The following SPECC1 variants were observed in gnomAD, a reference collection of about 807,000 sequenced individuals.
SPECC1 encodes cytospin-B.
Under a neutral mutation model 104.1 loss-of-function variants are expected in SPECC1, and 62 were observed. That is an observed-to-expected ratio of 0.60 (90% CI 0.49 to 0.74). The LOEUF is 0.74. Ranked by LOEUF, SPECC1 falls within the 30% of genes least tolerant of loss-of-function variation. The pLI, the probability that SPECC1 is intolerant of heterozygous loss-of-function variation, is 0.00. For missense variants in SPECC1, 1,306 were observed against 1,310.5 expected (o/e 1.00, Z 0.05); for synonymous variants, 513 against 501.6 (o/e 1.02, Z -0.30).
chr17:20,164,816 A>G (rs1456558674), intron 3 of SPECC1, among the ~76,000 whole-genome samples: 1 of 152,174 alleles, frequency 6.6e-6, no homozygotes, highest in Non-Finnish European at 1.5e-5. Flanking sequence ...GATTCAAATT[A>G]CATTTAATTT....
chr17:20,029,729 T>C (rs2044733694), intron 1 of SPECC1, among the ~76,000 whole-genome samples: 1 of 152,196 alleles, frequency 6.6e-6, no homozygotes, highest in East Asian at 1.9e-4. Flanking sequence ...TAGTATTCTT[T>C]TCTAATCCCT....
intron 13 of SPECC1, among the ~76,000 whole-genome samples, chr17:20,299,555 C>CAAAAAAAAAAAAAAA (rs57493380): frequency 7.4e-5 from 3 of 40,366 alleles, no homozygotes; most frequent in Non-Finnish European, 1.6e-4. Flanking sequence ...GACCCTGTCT[C>CAAAAAAAAAAAAAAA]AAAAAAAAAA....
intron 4 of SPECC1, among the ~76,000 whole-genome samples, chr17:20,217,872 T>TA (rs774639766): frequency 1.3e-3 from 195 of 147,828 alleles, no homozygotes; most frequent in African/African-American, 1.5e-3. Context: ...ACCCCACCTA[T>TA]AAAAAAAAAA....
chr17:20,093,078 G>A (rs1485918778), intron 1 of SPECC1, among the ~76,000 whole-genome samples: 1 of 152,212 alleles, frequency 6.6e-6, no homozygotes, highest in Non-Finnish European at 1.5e-5. Flanking sequence ...CTGTGAAATG[G>A]ATATGTCTTA....
At chr17:20,080,468 T>C (rs1299169377) in intron 1 of SPECC1, among the ~76,000 whole-genome samples, 1 of 152,042 alleles carries the variant, frequency 6.6e-6, no homozygotes, top group Non-Finnish European at 1.5e-5. Flanking sequence ...GGGAGCCACA[T>C]CTGGTTGCTA....
intron 1 of SPECC1, among the ~76,000 whole-genome samples, chr17:20,060,983 TA>T (rs1346509012): frequency 6.6e-6 from 1 of 152,218 alleles, no homozygotes; most frequent in African/African-American, 2.4e-5. Context: ...ACTTAATGAT[TA>T]TATAAAGAAT....
rs940429143 is a variant in SPECC1, at chr17:20,236,956, G to C, written c.2351+4551G>C. 3 of 1,610,142 alleles carry C rather than the reference G, an allele frequency of 1.9e-6. No homozygotes were observed. In the Admixed American group the frequency reaches 5.0e-5, roughly 27 times the overall value. The stretch of plus-strand genomic sequence containing the variant: ...GCCGCAGCCATCTCTAGATGAAAGG[G>C]GGAATGTGTAGAGGAGAAATTGCCT... On this transcript the variant is annotated intron_variant, in intron 7 of 14. Coordinates refer to ENST00000395527, the MANE Select transcript of SPECC1 (RefSeq NM_001243439.2).
chr17:20,205,632 A>G lies in SPECC1; in HGVS notation c.1583A>G (p.His528Arg). ...AATGAGTTTCTAGAACTGGAACGGC[A>G]TAATAATAACATGATGGCCAAAACT... ...KLNEFLELER[H>R]NNNMMAKTLE... is the part of the protein sequence containing the mutation. The change falls in exon 4 of 15, where the codon CAT becomes CGT. Residue 528 changes from histidine to arginine, a missense_variant. Physicochemically the swap from His to Arg is conservative, Grantham distance 29. This residue lies in a region of SPECC1 where 1,177 missense variants were observed against 1,139.9 expected (regional missense o/e 1.03). Coordinates refer to ENST00000395527, the MANE Select transcript of SPECC1 (RefSeq NM_001243439.2). The G allele has an allele frequency of 6.2e-7, 1 of 1,614,078 alleles. No individual in the cohort carries two copies. The highest frequency in any genetic ancestry group is 8.5e-7 in the Non-Finnish European group (1 of 1,180,024).
At position 20,317,280 on chromosome 17, in the gene SPECC1, T is replaced by TTTTTTTTTTTTTTTTTTA. The variant is rs1358654698; in HGVS notation, c.*3215_*3216insTTTTTTTTTTTTTTTTTA. On this transcript the variant is annotated 3_prime_UTR_variant, in exon 15 of 15. Transcript: ENST00000395527. ...AAAAATTTTTTTTTTTTTTTTTTTT[T>TTTTTTTTTTTTTTTTTTA]GAGAGAGCGTCTCACTTCTCTGTCA... 6.1e-6 allele frequency: 1 copy of TTTTTTTTTTTTTTTTTTA among 163,474 alleles called. No individual in the cohort carries two copies. The highest frequency in any genetic ancestry group is 2.5e-5 in the African/African-American group (1 of 39,726). 10.1% of individuals were successfully genotyped at this position (163,474 alleles called of 1,614,324 possible). A position where few individuals can be genotyped will look rare whatever the true frequency, so the allele number is the denominator to read the frequency against.
At chr17:20,261,551 C>A (rs1224264119) in intron 12 of SPECC1, among the ~76,000 whole-genome samples, 2 of 150,864 alleles carry the variant, frequency 1.3e-5, no homozygotes, top group African/African-American at 4.9e-5. Context: ...AGCAGTGATG[C>A]CTCCACCCAA....
intron 3 of SPECC1, among the ~76,000 whole-genome samples, chr17:20,164,404 C>T (rs777394623): frequency 6.6e-6 from 1 of 151,994 alleles, no homozygotes; most frequent in Non-Finnish European, 1.5e-5. Flanking sequence ...TGGCCTCAAG[C>T]GGTCCTCTCA....
At chr17:20,123,819 G>T (rs1415302580) in intron 3 of SPECC1, among the ~76,000 whole-genome samples, 7 of 152,208 alleles carry the variant, frequency 4.6e-5, no homozygotes, top group South Asian at 2.1e-4. Flanking sequence ...AGTGTGCGAT[G>T]AATATGGTCT....
chr17:20,028,540 T>G (rs1330979427), intron 1 of SPECC1, among the ~76,000 whole-genome samples: 4 of 152,130 alleles, frequency 2.6e-5, no homozygotes, highest in Admixed American at 2.0e-4. Flanking sequence ...GTTTCTGTAC[T>G]CTCAATTATA....
chr17:20,200,254 TTC>T (rs1295044266), intron 3 of SPECC1, among the ~76,000 whole-genome samples: 1 of 152,208 alleles, frequency 6.6e-6, no homozygotes, highest in African/African-American at 2.4e-5. Flanking sequence ...ATATCATGTG[TTC>T]TGTTATAGTT....
intron 13 of SPECC1, among the ~76,000 whole-genome samples, chr17:20,298,985 A>T (rs1160184459): frequency 3.0e-5 from 1 of 33,654 alleles, no homozygotes; most frequent in Admixed American, 2.9e-4. Flanking sequence ...GTAGAGAGAG[A>T]GAGAGAGAGA....
At chr17:20,066,153 C>T (rs2046350488) in intron 1 of SPECC1, among the ~76,000 whole-genome samples, 1 of 152,124 alleles carries the variant, frequency 6.6e-6, no homozygotes, top group Non-Finnish European at 1.5e-5. Context: ...ACCTTTTTTA[C>T]AAATGGGAGT....
chr17:20,166,409 C>T (rs575403652), intron 3 of SPECC1, among the ~76,000 whole-genome samples: 4 of 152,016 alleles, frequency 2.6e-5, no homozygotes, highest in South Asian at 2.1e-4. Context: ...ACTCTGTGAT[C>T]GTAATGCAAT....
chr17:20,061,608 A>G (rs916067922), intron 1 of SPECC1, among the ~76,000 whole-genome samples: 6 of 152,248 alleles, frequency 3.9e-5, no homozygotes, highest in African/African-American at 1.2e-4. Context: ...ATCATCACTC[A>G]GGAATCTTGG....
intron 14 of SPECC1, among the ~76,000 whole-genome samples, chr17:20,311,536 A>G (rs559359901): frequency 6.6e-6 from 1 of 151,874 alleles, no homozygotes; most frequent in Non-Finnish European, 1.5e-5. Context: ...GATTATAGAC[A>G]CCTGTCACCA....
Sources: gnomAD v4.1 joint callset for allele counts (sites outside exome capture counted in the v4.1 genomes callset) on GRCh38, gnomAD v4.1.1 for gene constraint, gnomAD v4.1.1 regional missense constraint, MANE v1.5 for transcripts, NCBI Gene and HGNC (gene_info 2026-07-23, HGNC 2026-07-21) for gene names.